The following ACBD6 variants were observed in gnomAD, a reference collection of about 807,000 sequenced individuals.
The protein encoded by ACBD6 is acyl-CoA binding domain containing 6.
Under a neutral mutation model 37.2 loss-of-function variants are expected in ACBD6, and 28 were observed. The observed-to-expected ratio is 0.75, with a 90% CI of 0.56 to 1.03. The LOEUF (loss-of-function observed/expected upper bound fraction) is 1.03, where lower values mean the gene tolerates loss of function less well. Among genes scored for constraint, ACBD6 ranks in the 50% least tolerant of loss-of-function variants. ACBD6 has a pLI of 0.00. For synonymous variants in ACBD6, 113 were observed against 126.8 expected, an observed-to-expected ratio of 0.89 and a Z score of 0.73; for missense variants, 340 against 337.4, an observed-to-expected ratio of 1.01 and a Z score of -0.06.
At chr1:180,450,689 G>C (rs1649669912) in intron 3 of ACBD6, among the ~76,000 whole-genome samples, 1 of 152,160 alleles carries the variant, frequency 6.6e-6, no homozygotes, top group South Asian at 2.1e-4. Flanking sequence ...GAAACCAGGA[G>C]GTGGAACTTG....
intron 2 of ACBD6, among the ~76,000 whole-genome samples, chr1:180,494,931 T>C (rs951634056): frequency 2.0e-5 from 3 of 152,214 alleles, no homozygotes; most frequent in Non-Finnish European, 4.4e-5. Flanking sequence ...AGTTAGTATC[T>C]GGTTTTGGCT....
intron 3 of ACBD6, among the ~76,000 whole-genome samples, chr1:180,436,274 T>C (rs760634365): frequency 1.3e-5 from 2 of 152,186 alleles, no homozygotes; most frequent in South Asian, 2.1e-4. Context: ...ATGAAAGAAA[T>C]TGTGATTTCC....
chr1:180,430,373 C>T lies in ACBD6; in HGVS notation c.385-111G>A. 6 of 909,898 alleles carry T rather than the reference C, an allele frequency of 6.6e-6. No homozygotes were observed. In the South Asian group the frequency reaches 8.0e-5, roughly 12 times the overall value. The allele number at this position is 909,898 out of a possible 1,614,324, so 56.4% of individuals were successfully genotyped here. A position where few individuals can be genotyped will look rare whatever the true frequency, so the allele number is the denominator to read the frequency against. ...TAAGAAAGACTAAGGATTTTACCCTCAACCATCTCTTCAAACCCTAGTAAA... is the reference window on the plus strand; with the variant it reads ...TAAGAAAGACTAAGGATTTTACCCTTAACCATCTCTTCAAACCCTAGTAAA... On this transcript the variant is annotated intron_variant, in intron 3 of 7. Coordinates refer to ENST00000367595, the MANE Select transcript of ACBD6 (RefSeq NM_032360.4).
intron 3 of ACBD6, among the ~76,000 whole-genome samples, chr1:180,491,088 A>G (rs1474950804): frequency 6.6e-6 from 1 of 152,076 alleles, no homozygotes; most frequent in Non-Finnish European, 1.5e-5. Context: ...AATATGTCAT[A>G]ATATATAATC....
intron 5 of ACBD6, among the ~76,000 whole-genome samples, chr1:180,406,795 G>A (rs1207489061): frequency 6.6e-6 from 1 of 152,076 alleles, no homozygotes. Context: ...TTATCCCAGA[G>A]AATCTTAGGG....
At chr1:180,325,740 G>A (rs1241146559) in intron 6 of ACBD6, among the ~76,000 whole-genome samples, 1 of 152,172 alleles carries the variant, frequency 6.6e-6, no homozygotes, top group Non-Finnish European at 1.5e-5. Flanking sequence ...AGAGAATTGG[G>A]TCCCAAGCCG....
In ACBD6 at chr1:180,441,436, T is replaced by C. The variant is rs559844832; in HGVS notation, c.385-11174A>G. The stretch of plus-strand genomic sequence containing the variant: ...CAATACTTTGACTATTTGGGGCCCT[T>C]TGCAATTCCATATAAATCAGATTGA... On this transcript the variant is annotated intron_variant, in intron 3 of 7. Coordinates refer to ENST00000367595, the MANE Select transcript of ACBD6 (RefSeq NM_032360.4). Among the ~76,000 whole-genome samples, 12 of 152,192 alleles carry C rather than the reference T, an allele frequency of 7.9e-5. 1 individual carries two copies. The highest frequency in any genetic ancestry group is 2.6e-4 in the African/African-American group (11 of 41,552).
intron 6 of ACBD6, among the ~76,000 whole-genome samples, chr1:180,391,136 A>G (rs1291369728): frequency 3.3e-5 from 5 of 152,172 alleles, no homozygotes; most frequent in Non-Finnish European, 7.4e-5. Context: ...TATGTAAAAG[A>G]ATGAAGTTAG....
intron 7 of ACBD6, among the ~76,000 whole-genome samples, chr1:180,304,817 A>G (rs1650284741): frequency 6.6e-6 from 1 of 151,552 alleles, no homozygotes. Context: ...CCAAAAGAAC[A>G]AAGCTGGAGG....
At chr1:180,270,210 C>T (rs1648557951) in exon 14 of ACBD6, 1 of 152,216 alleles carries the variant, frequency 6.6e-6, no homozygotes, top group Non-Finnish European at 1.5e-5. Flanking sequence ...CATATAAAGT[C>T]CTTAGTCAAC....
chr1:180,428,085 ATAGT>A (rs1438658985), intron 4 of ACBD6, among the ~76,000 whole-genome samples: 3 of 152,288 alleles, frequency 2.0e-5, no homozygotes, highest in Admixed American at 6.5e-5. Flanking sequence ...TGTGTTTGTA[ATAGT>A]TAAACAGCTT....
intron 3 of ACBD6, among the ~76,000 whole-genome samples, chr1:180,489,539 ATAAT>A (rs1021243984): frequency 2.0e-5 from 3 of 151,528 alleles, no homozygotes; most frequent in Admixed American, 6.6e-5. Context: ...AATGTATTAA[ATAAT>A]TAATTAAAGA....
chr1:180,362,184 C>A lies in ACBD6; in HGVS notation c.663+35332G>T, dbSNP rs116263425. Among the ~76,000 whole-genome samples, 784 of 152,190 alleles carry A rather than the reference C, an allele frequency of 5.2e-3. 6 individuals are homozygous for A. The highest frequency in any genetic ancestry group is 8.3e-3 in the Non-Finnish European group (567 of 67,992). On this transcript the variant is annotated intron_variant, in intron 6 of 7. Coordinates refer to ENST00000367595, the MANE Select transcript of ACBD6 (RefSeq NM_032360.4). ...GGGACAAAAGAAACTGTGCTAAGGGCAAAATACTTAGTATTTTCAAATGGA... is the reference window on the plus strand; with the variant it reads ...GGGACAAAAGAAACTGTGCTAAGGGAAAAATACTTAGTATTTTCAAATGGA...
intron 6 of ACBD6, among the ~76,000 whole-genome samples, chr1:180,351,279 C>T (rs1480078661): frequency 3.9e-5 from 3 of 77,850 alleles, no homozygotes; most frequent in Admixed American, 2.2e-4. Flanking sequence ...CCAGATATTA[C>T]GTTTTTTTTT....
intron 6 of ACBD6, among the ~76,000 whole-genome samples, chr1:180,366,764 T>C (rs936880090): frequency 1.3e-5 from 2 of 152,216 alleles, no homozygotes; most frequent in African/African-American, 4.8e-5. Context: ...GAATAAAATG[T>C]CATCTACATA....
rs534711639 is a variant in ACBD6, at chr1:180,434,800, G to A, written c.385-4538C>T. 4 of 703,316 alleles carry A rather than the reference G, an allele frequency of 5.7e-6. No individual in the cohort carries two copies. In the African/African-American group the frequency reaches 7.0e-5, roughly 12 times the overall value. 43.6% of individuals were successfully genotyped at this position (703,316 alleles called of 1,614,324 possible). A position where few individuals can be genotyped will look rare whatever the true frequency, so the allele number is the denominator to read the frequency against. Reference sequence around the variant, plus strand: ...TGCTGCCAATGCCTCTAAGCCGAAGGTGGCTGTGCCACCCACGAATGCCAA... The same window carrying A: ...TGCTGCCAATGCCTCTAAGCCGAAGATGGCTGTGCCACCCACGAATGCCAA... On this transcript the variant is annotated intron_variant, in intron 3 of 7. Coordinates refer to ENST00000367595, the MANE Select transcript of ACBD6 (RefSeq NM_032360.4).
At chr1:180,390,617 G>A (rs984780788) in intron 6 of ACBD6, among the ~76,000 whole-genome samples, 1 of 152,008 alleles carries the variant, frequency 6.6e-6, no homozygotes, top group Non-Finnish European at 1.5e-5. Flanking sequence ...TCACAATATT[G>A]ATTCTTCCTA....
At position 180,337,305 on chromosome 1, in the gene ACBD6, G is replaced by A. The variant is rs951742355; in HGVS notation, c.664-22583C>T. Among the ~76,000 whole-genome samples, 245 of 152,090 alleles carry A rather than the reference G, an allele frequency of 1.6e-3. 1 individual carries two copies. The highest frequency in any genetic ancestry group is 4.4e-3 in the African/African-American group (181 of 41,480). The stretch of plus-strand genomic sequence containing the variant: ...CAGCACATCAAAAAGCTTATCCACT[G>A]TGATCAAGTGGGCTTCATCCCTGGG... On this transcript the variant is annotated intron_variant, in intron 6 of 7. Transcript: ENST00000367595.
chr1:180,448,704 C>T (rs985460550), intron 3 of ACBD6, among the ~76,000 whole-genome samples: 3 of 152,176 alleles, frequency 2.0e-5, no homozygotes, highest in Admixed American at 2.0e-4. Flanking sequence ...CCCCTTTTAG[C>T]TTTACCTGTT....
Sources: allele counts gnomAD v4.1 joint callset (sites outside exome capture counted in the v4.1 genomes callset), GRCh38; gene constraint gnomAD v4.1.1; transcripts MANE v1.5; gene names NCBI Gene and HGNC (gene_info 2026-07-23, HGNC 2026-07-21).